Variants in SMAD2 observed in about 807,000 individuals in gnomAD.
The protein encoded by SMAD2 is MAD homolog 2.
Under a neutral mutation model 64.4 loss-of-function variants are expected in SMAD2, and 8 were observed. The ratio of observed to expected loss-of-function variants is 0.12; its 90% CI spans 0.07 to 0.22. The LOEUF (loss-of-function observed/expected upper bound fraction) is 0.22, where lower values mean the gene tolerates loss of function less well. Among genes scored for constraint, SMAD2 ranks in the 10% least tolerant of loss-of-function variants. SMAD2 has a pLI of 1.00. For synonymous variants in SMAD2, 203 were observed against 195.8 expected, an observed-to-expected ratio of 1.04 and a Z score of -0.31; for missense variants, 289 against 561.2, an observed-to-expected ratio of 0.51 and a Z score of 4.90.
At chr18:47,911,789 A>G (rs2034146200) in intron 1 of SMAD2, among the ~76,000 whole-genome samples, 1 of 152,248 alleles carries the variant, frequency 6.6e-6, no homozygotes, top group Non-Finnish European at 1.5e-5. Context: ...AATACGACAC[A>G]TAAATAAGCA....
chr18:47,839,458 G>A lies in SMAD2; in HGVS notation c.*2369C>T. 1 of 233,314 alleles carries A rather than the reference G, an allele frequency of 4.3e-6. No homozygotes were observed. 14.5% of individuals were successfully genotyped at this position (233,314 alleles called of 1,614,324 possible). On this transcript the variant is annotated 3_prime_UTR_variant, in exon 11 of 11. Coordinates refer to ENST00000262160, the MANE Select transcript of SMAD2 (RefSeq NM_005901.6). ...GACATTTACTCTGCTCACAAGATGG[G>A]TAGTGGAAGACATAATTACTGGACA... is the stretch of plus-strand genomic sequence containing the variant.
intron 2 of SMAD2, among the ~76,000 whole-genome samples, chr18:47,884,349 C>T (rs921347392): frequency 6.6e-6 from 1 of 152,066 alleles, no homozygotes; most frequent in Non-Finnish European, 1.5e-5. Context: ...ACTGTTGTCC[C>T]CATTTGACAA....
At chr18:47,854,222 T>C (rs1792655) in intron 6 of SMAD2, among the ~76,000 whole-genome samples, 87,133 of 151,972 alleles carry the variant, frequency 0.57, 25,382 homozygotes, top group East Asian at 0.83. Flanking sequence ...TGAGATCCAG[T>C]GTGAATTAGC....
At chr18:47,897,266 A>C (rs564424410) in intron 1 of SMAD2, among the ~76,000 whole-genome samples, 2 of 152,356 alleles carry the variant, frequency 1.3e-5, no homozygotes, top group South Asian at 4.1e-4. Flanking sequence ...TACAGTTACA[A>C]GAAGGGAAAA....
chr18:47,914,923 TCC>T (rs1437718377), intron 1 of SMAD2, among the ~76,000 whole-genome samples: 4 of 152,172 alleles, frequency 2.6e-5, no homozygotes, highest in Admixed American at 2.6e-4. Flanking sequence ...TATCAAGTAC[TCC>T]GACTATGCAA....
Position 47,840,976 on chromosome 18 carries a change from T to A in SMAD2, c.*851A>T. 8.6e-6 allele frequency: 2 copies of A among 232,634 alleles called. No homozygotes were observed. Among genetic ancestry groups the A allele is most frequent in the Non-Finnish European group, 1.7e-5 (2 of 117,626 alleles). 14.4% of individuals were successfully genotyped at this position (232,634 alleles called of 1,614,324 possible). A position where few individuals can be genotyped will look rare whatever the true frequency, so the allele number is the denominator to read the frequency against. ...ATAAGACAAAGGGACTTTCTCCATA[T>A]GAATTCTTACTGTATCCCAGAATTA... On this transcript the variant is annotated 3_prime_UTR_variant, in exon 11 of 11. Transcript: ENST00000262160.
intron 1 of SMAD2, among the ~76,000 whole-genome samples, chr18:47,907,500 GA>G (rs1367593349): frequency 2.0e-5 from 3 of 152,232 alleles, no homozygotes; most frequent in African/African-American, 7.2e-5. Context: ...CTAAGGAAGA[GA>G]AGTGGAAATG....
At chr18:47,858,929 A>C (rs2030941730) in intron 6 of SMAD2, among the ~76,000 whole-genome samples, 1 of 152,152 alleles carries the variant, frequency 6.6e-6, no homozygotes. Context: ...ATCCCTCTAA[A>C]TATAAGCGGA....
rs1787183 is a variant in SMAD2 at position 47,820,561 on chromosome 18, A to T, written c.*21266T>A. 0.56 allele frequency: 85,707 copies of T among 151,980 alleles called. 24,566 individuals carry two copies. Among genetic ancestry groups the T allele is most frequent in the East Asian group, 0.82 (4,246 of 5,168 alleles). The allele number at this position is 151,980 out of a possible 1,614,324, so 9.4% of individuals were successfully genotyped here. On this transcript the variant is annotated 3_prime_UTR_variant, in exon 11 of 11. Coordinates refer to ENST00000262160, the MANE Select transcript of SMAD2 (RefSeq NM_005901.6). Reference sequence around the variant, plus strand: ...TGTGAGAATGTACCTTTGGTAAGGAAGGTTACAAAATTAACAGAATAATTC... The same window carrying T: ...TGTGAGAATGTACCTTTGGTAAGGATGGTTACAAAATTAACAGAATAATTC...
intron 6 of SMAD2, among the ~76,000 whole-genome samples, chr18:47,862,599 T>C (rs1265185064): frequency 3.3e-5 from 5 of 152,188 alleles, no homozygotes; most frequent in African/African-American, 2.4e-5. Context: ...TATGACTTCA[T>C]CTTAAACAAC....
chr18:47,891,063 G>A (rs1370892886), intron 2 of SMAD2, among the ~76,000 whole-genome samples: 1 of 152,214 alleles, frequency 6.6e-6, no homozygotes, highest in Non-Finnish European at 1.5e-5. Context: ...CCAGCACTTT[G>A]GGAGGCCGAG....
chr18:47,862,386 A>G (rs2031252173), intron 6 of SMAD2, among the ~76,000 whole-genome samples: 1 of 152,228 alleles, frequency 6.6e-6, no homozygotes, highest in African/African-American at 2.4e-5. Context: ...ACAAGGTGTC[A>G]GCAAAGCCAT....
chr18:47,901,098 T>C (rs995708670), intron 1 of SMAD2, among the ~76,000 whole-genome samples: 1 of 152,180 alleles, frequency 6.6e-6, no homozygotes, highest in Non-Finnish European at 1.5e-5. Context: ...TTGTGATGTA[T>C]GTATGTCCTA....
At position 47,832,299 on chromosome 18, in the gene SMAD2, A is replaced by G. The variant is rs1011922670; in HGVS notation, c.*9528T>C. Reference sequence around the variant, plus strand: ...CAAAGCCAGGCTGAGGTGACAATGTAGAAGGATCTCGAGTCAGCCCTCAAT... The same window carrying G: ...CAAAGCCAGGCTGAGGTGACAATGTGGAAGGATCTCGAGTCAGCCCTCAAT... On this transcript the variant is annotated 3_prime_UTR_variant, in exon 11 of 11. Coordinates refer to ENST00000262160, the MANE Select transcript of SMAD2 (RefSeq NM_005901.6). 2.0e-5 allele frequency: 3 copies of G among 152,228 alleles called. No homozygotes were observed. Among genetic ancestry groups the G allele is most frequent in the African/African-American group, 7.2e-5 (3 of 41,468 alleles). 9.4% of individuals were successfully genotyped at this position (152,228 alleles called of 1,614,324 possible). A position where few individuals can be genotyped will look rare whatever the true frequency, so the allele number is the denominator to read the frequency against.
intron 1 of SMAD2, among the ~76,000 whole-genome samples, chr18:47,915,822 TC>T (rs1437624504): frequency 6.6e-6 from 1 of 152,088 alleles, no homozygotes; most frequent in Admixed American, 6.5e-5. Flanking sequence ...CAATCCACCT[TC>T]CCCCGTCAGG....
intron 6 of SMAD2, among the ~76,000 whole-genome samples, chr18:47,862,858 G>A (rs979265219): frequency 5.9e-5 from 9 of 151,926 alleles, no homozygotes; most frequent in African/African-American, 2.2e-4. Context: ...TAAAAATCAT[G>A]ACTTGAAAAG....
chr18:47,903,006 A>G (rs2033748178), intron 1 of SMAD2, among the ~76,000 whole-genome samples: 1 of 152,188 alleles, frequency 6.6e-6, no homozygotes, highest in Non-Finnish European at 1.5e-5. Context: ...ACTTGCAAAA[A>G]GTATGTCAAA....
chr18:47,907,179 C>T (rs1484645371), intron 1 of SMAD2, among the ~76,000 whole-genome samples: 1 of 152,158 alleles, frequency 6.6e-6, no homozygotes, highest in Non-Finnish European at 1.5e-5. Flanking sequence ...CTGTATCACA[C>T]ATTCAGGAAA....
intron 6 of SMAD2, among the ~76,000 whole-genome samples, chr18:47,863,100 G>A (rs2031307688): frequency 1.3e-5 from 2 of 152,140 alleles, no homozygotes; most frequent in Non-Finnish European, 2.9e-5. Context: ...TTTAACAGCA[G>A]GTTATGAAAG....
Sources: allele counts gnomAD v4.1 joint callset (sites outside exome capture counted in the v4.1 genomes callset), GRCh38; gene constraint gnomAD v4.1.1; transcripts MANE v1.5; gene names NCBI Gene and HGNC (gene_info 2026-07-23, HGNC 2026-07-21).